Variants in CDKAL1 observed in about 807,000 individuals in gnomAD.
The protein encoded by CDKAL1 is CDKAL1 threonylcarbamoyladenosine tRNA methylthiotransferase.
CDKAL1 carries 32 observed loss-of-function variants against 68.2 expected under a neutral mutation model. That is an observed-to-expected ratio of 0.47 (90% CI 0.35 to 0.63). The LOEUF (loss-of-function observed/expected upper bound fraction) is 0.63. Ranked by LOEUF, CDKAL1 falls within the 30% of genes least tolerant of loss-of-function variation. The pLI is 0.00. For missense variants in CDKAL1, 606 were observed against 696.7 expected (o/e 0.87, Z 1.47); for synonymous variants, 234 against 244.3 (o/e 0.96, Z 0.39).
At chr6:20,831,940 T>C (rs537902043) in intron 8 of CDKAL1, among the ~76,000 whole-genome samples, 11 of 152,220 alleles carry the variant, frequency 7.2e-5, no homozygotes, top group African/African-American at 2.2e-4. Context: ...CAATCGGTCA[T>C]TGTCAACTTC....
chr6:20,649,552 A>G (rs1476921341), intron 5 of CDKAL1, among the ~76,000 whole-genome samples, 175 bp downstream of exon 5: 1 of 151,982 alleles, frequency 6.6e-6, no homozygotes, highest in Non-Finnish European at 1.5e-5. Flanking sequence ...TGCTTTTTTT[A>G]TTTTTTATTT....
chr6:20,715,267 TC>T lies in CDKAL1; in HGVS notation c.372-24246del, dbSNP rs376570041. Among the ~76,000 whole-genome samples, 7 of 152,082 alleles carry T rather than the reference TC, an allele frequency of 4.6e-5. 1 individual carries two copies. Among genetic ancestry groups the T allele is most frequent in the African/African-American group, 1.7e-4 (7 of 41,506 alleles). On this transcript the variant is annotated intron_variant, in intron 5 of 15. Coordinates refer to ENST00000274695, the MANE Select transcript of CDKAL1 (RefSeq NM_017774.3). ...CTTTATGTATTATATTTGCCAACCC[TC>T]CCCCCACCTTTTTAAAAAAGATTCC...
chr6:20,623,219 G>A (rs1767276930), intron 4 of CDKAL1, among the ~76,000 whole-genome samples: 1 of 152,024 alleles, frequency 6.6e-6, no homozygotes, highest in Non-Finnish European at 1.5e-5. Context: ...AACAGATAAA[G>A]AGCTTAACTA....
chr6:20,806,045 TTATG>T (rs1776559606), intron 8 of CDKAL1, among the ~76,000 whole-genome samples: 1 of 152,168 alleles, frequency 6.6e-6, no homozygotes, highest in Non-Finnish European at 1.5e-5. Flanking sequence ...GTACAGGTCT[TTATG>T]TAGGTAAATT....
At chr6:20,718,914 A>G (rs9358357) in intron 5 of CDKAL1, among the ~76,000 whole-genome samples, 45,412 of 152,070 alleles carry the variant, frequency 0.3, 8,589 homozygotes, top group African/African-American at 0.52. Flanking sequence ...TCCTACCTCT[A>G]GGGGCAAATA....
chr6:21,079,976 C>CTGTGTG (rs764266426), intron 12 of CDKAL1, among the ~76,000 whole-genome samples: 2,415 of 135,802 alleles, frequency 0.018, 49 homozygotes, highest in Middle Eastern at 0.054. Flanking sequence ...AACTTTGTCT[C>CTGTGTG]TGTGTGTGTG....
intron 5 of CDKAL1, among the ~76,000 whole-genome samples, chr6:20,736,537 G>A (rs571217256): frequency 4.7e-4 from 71 of 152,222 alleles, no homozygotes; most frequent in African/African-American, 1.7e-3. Flanking sequence ...TTGGGAGGCC[G>A]AGGCAGGCAG....
intron 13 of CDKAL1, among the ~76,000 whole-genome samples, chr6:21,117,353 A>G (rs1309606858): frequency 1.3e-5 from 2 of 150,650 alleles, no homozygotes; most frequent in Admixed American, 6.6e-5. Flanking sequence ...AAATCCATTC[A>G]TTGCAGAGCA....
chr6:20,760,141 A>T (rs1053978910), intron 7 of CDKAL1, among the ~76,000 whole-genome samples: 18 of 151,992 alleles, frequency 1.2e-4, no homozygotes, highest in Admixed American at 3.9e-4. Flanking sequence ...TTTAATTTTT[A>T]AAAATTATTT....
rs189479662 is a variant in CDKAL1 at position 20,693,542 on chromosome 6, G to T, written c.371+44165G>T. Among the ~76,000 whole-genome samples, 7 of 152,252 alleles carry T rather than the reference G, an allele frequency of 4.6e-5. No homozygotes were observed. The East Asian group carries it at 1.4e-3, about 29-fold the overall frequency. On this transcript the variant is annotated intron_variant, in intron 5 of 15. Transcript: ENST00000274695. ...GGCAAATGACAGAATTCTATTTCCA[G>T]ATAGATATGTTTCTTTCAGGGACAA...
intron 5 of CDKAL1, among the ~76,000 whole-genome samples, chr6:20,739,120 G>T (rs1773330917): frequency 6.6e-6 from 1 of 152,044 alleles, no homozygotes; most frequent in African/African-American, 2.4e-5. Flanking sequence ...TTGGTCAAAA[G>T]ACTAGGAAAT....
At chr6:21,094,284 T>C (rs919462269) in intron 12 of CDKAL1, among the ~76,000 whole-genome samples, 2 of 152,132 alleles carry the variant, frequency 1.3e-5, no homozygotes, top group Admixed American at 6.5e-5. Context: ...CTTGGCAATA[T>C]GGAGGTAAAT....
intron 15 of CDKAL1, among the ~76,000 whole-genome samples, chr6:21,206,929 C>T (rs9356771): frequency 0.74 from 98,692 of 133,200 alleles, 33,027 homozygotes; most frequent in East Asian, 0.94. Flanking sequence ...ACTTTAATTT[C>T]TTTTTTTTTT....
chr6:20,770,857 T>G (rs1020535222), intron 7 of CDKAL1, among the ~76,000 whole-genome samples: 4 of 152,192 alleles, frequency 2.6e-5, no homozygotes, highest in Non-Finnish European at 4.4e-5. Context: ...TAATCATGTA[T>G]ATAATTTGTA....
intron 13 of CDKAL1, among the ~76,000 whole-genome samples, chr6:21,141,306 C>T (rs1214079916): frequency 6.6e-6 from 1 of 152,224 alleles, no homozygotes; most frequent in Admixed American, 6.5e-5. Flanking sequence ...TCAGGACTCA[C>T]TCAGCCCAGG....
intron 5 of CDKAL1, among the ~76,000 whole-genome samples, chr6:20,683,817 A>G (rs1263315036): frequency 2.6e-5 from 4 of 152,240 alleles, no homozygotes; most frequent in East Asian, 1.9e-4. Flanking sequence ...TGTATCCACC[A>G]TTATTGTATC....
At chr6:20,708,922 T>G (rs1440152779) in intron 5 of CDKAL1, among the ~76,000 whole-genome samples, 2 of 152,180 alleles carry the variant, frequency 1.3e-5, no homozygotes, top group Non-Finnish European at 2.9e-5. Flanking sequence ...CCCTGATGTA[T>G]CATAATAGTC....
At chr6:21,070,489 CAG>C (rs1449595356) in intron 12 of CDKAL1, among the ~76,000 whole-genome samples, 1 of 150,090 alleles carries the variant, frequency 6.7e-6, no homozygotes, top group East Asian at 2.0e-4. Flanking sequence ...GTTATATCCA[CAG>C]ATCTTTATGA....
intron 13 of CDKAL1, among the ~76,000 whole-genome samples, chr6:21,179,057 T>C (rs1019676946): frequency 2.6e-5 from 4 of 152,260 alleles, no homozygotes; most frequent in African/African-American, 9.6e-5. Flanking sequence ...CCCTGTTATC[T>C]TTTCACCTAG....
Sources: allele counts gnomAD v4.1 joint callset (sites outside exome capture counted in the v4.1 genomes callset), GRCh38; gene constraint gnomAD v4.1.1; transcripts MANE v1.5; gene names NCBI Gene and HGNC (gene_info 2026-07-23, HGNC 2026-07-21).